The following DPYD variants were observed in gnomAD, a reference collection of about 807,000 sequenced individuals.
The protein encoded by DPYD is dihydropyrimidine dehydrogenase.
A neutral mutation model predicts 116.2 loss-of-function variants in DPYD; 109 were observed. The ratio of observed to expected loss-of-function variants is 0.94; its 90% CI spans 0.80 to 1.10. The LOEUF (loss-of-function observed/expected upper bound fraction) is 1.10. Ranked by LOEUF, DPYD falls within the 50% of genes least tolerant of loss-of-function variation. The pLI is 0.00. For missense variants in DPYD, 1,302 were observed against 1,254.5 expected, an observed-to-expected ratio of 1.04 and a Z score of -0.57; for synonymous variants, 440 against 432.0, an observed-to-expected ratio of 1.02 and a Z score of -0.23.
chr1:97,464,674 T>G (rs1255345448), intron 13 of DPYD, among the ~76,000 whole-genome samples: 1 of 152,104 alleles, frequency 6.6e-6, no homozygotes, highest in Non-Finnish European at 1.5e-5. Flanking sequence ...AGCCTGCAGG[T>G]GCACAGAAAT....
intron 8 of DPYD, among the ~76,000 whole-genome samples, chr1:97,613,283 T>C (rs1656061525): frequency 6.6e-6 from 1 of 152,014 alleles, no homozygotes. Context: ...GTCAATTGAG[T>C]TTAAGTCTGG....
At chr1:97,788,465 T>C (rs1667154260) in intron 3 of DPYD, among the ~76,000 whole-genome samples, 1 of 152,206 alleles carries the variant, frequency 6.6e-6, no homozygotes, top group Non-Finnish European at 1.5e-5. Flanking sequence ...ATCTTGGTCC[T>C]GCCAGCATCA....
At chr1:97,639,358 T>C (rs887941984) in intron 8 of DPYD, among the ~76,000 whole-genome samples, 2 of 152,134 alleles carry the variant, frequency 1.3e-5, no homozygotes, top group Non-Finnish European at 2.9e-5. Context: ...AAAATAATAT[T>C]CTATTACCTT....
Position 97,846,872 on chromosome 1 carries a change from T to C in DPYD, c.151-18676A>G, listed in dbSNP as rs72734068. On this transcript the variant is annotated intron_variant, in intron 2 of 22. Coordinates refer to ENST00000370192, the MANE Select transcript of DPYD (RefSeq NM_000110.4). ...CTCAAAATGTACAACTAATAAAACATTAGTTCATCGTATGTTTTCATAACA... is the reference window on the plus strand; with the variant it reads ...CTCAAAATGTACAACTAATAAAACACTAGTTCATCGTATGTTTTCATAACA... Among the ~76,000 whole-genome samples the C allele has an allele frequency of 5.9e-3, 892 of 152,274 alleles. 7 individuals are homozygous for C. The highest frequency in any genetic ancestry group is 0.02 in the African/African-American group (839 of 41,562).
intron 20 of DPYD, among the ~76,000 whole-genome samples, chr1:97,147,382 A>C (rs1353969734): frequency 2.0e-5 from 3 of 152,106 alleles, no homozygotes; most frequent in South Asian, 2.1e-4. Flanking sequence ...ACAAACAAAC[A>C]AAAAACTGGC....
In DPYD at chr1:97,098,602, G is replaced by A. The variant is rs771839581; in HGVS notation, c.2653C>T (p.Gln885Ter). 2 of 1,612,850 alleles carry A rather than the reference G, an allele frequency of 1.2e-6. No homozygotes were observed. Among genetic ancestry groups the A allele is most frequent in the Non-Finnish European group, 1.7e-6 (2 of 1,179,416 alleles). The stretch of plus-strand genomic sequence containing the variant: ...TTTTCTGCTATGATTTTCTTGCGCT[G>A]TTCCAGATAAGGTCCAAAACTTGGC... Reference protein sequence around the residue: ...KLPSFGPYLEQRKKIIAENKI... With the variant: ...KLPSFGPYLE Residue 885 changes from glutamine to a stop codon, truncating the protein, a stop_gained, in exon 21 of 23, where the codon CAG becomes TAG. Transcript: ENST00000370192. LOFTEE classifies it high-confidence loss of function.
At chr1:97,395,810 C>T (rs922899457) in intron 14 of DPYD, among the ~76,000 whole-genome samples, 1 of 151,982 alleles carries the variant, frequency 6.6e-6, no homozygotes, top group Admixed American at 6.6e-5. Flanking sequence ...TGCTTACTCT[C>T]TTGAAATCCT....
rs1413503317 is a variant in DPYD at position 97,637,628 on chromosome 1, G to A, written c.850+41467C>T. On this transcript the variant is annotated intron_variant, in intron 8 of 22. Coordinates refer to ENST00000370192, the MANE Select transcript of DPYD (RefSeq NM_000110.4). ...TTGCTCCAAGACAAACAAGAAAGAAGTGAGAAAAGAGAAAGGGCAGAAAGA... is the reference window on the plus strand; with the variant it reads ...TTGCTCCAAGACAAACAAGAAAGAAATGAGAAAAGAGAAAGGGCAGAAAGA... 2.6e-5 allele frequency among the ~76,000 whole-genome samples: 4 copies of A among 152,062 alleles called. No homozygotes were observed. In the East Asian group the frequency reaches 7.7e-4, roughly 29 times the overall value.
intron 16 of DPYD, among the ~76,000 whole-genome samples, chr1:97,308,016 G>A (rs568018005): frequency 6.6e-6 from 1 of 151,904 alleles, no homozygotes; most frequent in African/African-American, 2.4e-5. Flanking sequence ...AAGAATTACT[G>A]AAACAAATTT....
intron 20 of DPYD, among the ~76,000 whole-genome samples, chr1:97,105,735 G>A (rs1044921299): frequency 1.3e-5 from 2 of 152,040 alleles, no homozygotes; most frequent in Non-Finnish European, 2.9e-5. Context: ...AGTAGAGGAC[G>A]ACATGCACAA....
At chr1:97,660,568 C>T (rs1659195061) in intron 8 of DPYD, among the ~76,000 whole-genome samples, 1 of 152,086 alleles carries the variant, frequency 6.6e-6, no homozygotes, top group Non-Finnish European at 1.5e-5. Context: ...CTTCACACTA[C>T]TTATCACTTT....
intron 16 of DPYD, among the ~76,000 whole-genome samples, chr1:97,350,825 C>T (rs538003579): frequency 6.6e-6 from 1 of 152,174 alleles, no homozygotes; most frequent in South Asian, 2.1e-4. Flanking sequence ...CAACAGCAAC[C>T]GATACTGTGT....
chr1:97,667,580 T>C (rs940063327), intron 8 of DPYD, among the ~76,000 whole-genome samples: 2 of 152,108 alleles, frequency 1.3e-5, no homozygotes, highest in African/African-American at 4.8e-5. Context: ...ATGTTGGCGA[T>C]GATGTGAAGA....
At chr1:97,738,091 C>T (rs973616330) in intron 4 of DPYD, among the ~76,000 whole-genome samples, 5 of 152,048 alleles carry the variant, frequency 3.3e-5, no homozygotes, top group Admixed American at 2.6e-4. Flanking sequence ...GAGAATATAT[C>T]TCTATTGTTT....
intron 3 of DPYD, among the ~76,000 whole-genome samples, chr1:97,808,738 T>G (rs1419613196): frequency 6.6e-6 from 1 of 151,334 alleles, no homozygotes; most frequent in Non-Finnish European, 1.5e-5. Flanking sequence ...TATATCTTTT[T>G]ATTATTTAAA....
intron 16 of DPYD, among the ~76,000 whole-genome samples, chr1:97,309,108 T>C (rs1219407814): frequency 1.3e-5 from 2 of 151,836 alleles, no homozygotes; most frequent in Admixed American, 6.6e-5. Context: ...TATGACAATG[T>C]CCAAAAGCAT....
At chr1:97,803,283 T>G (rs1359121888) in intron 3 of DPYD, among the ~76,000 whole-genome samples, 2 of 151,904 alleles carry the variant, frequency 1.3e-5, no homozygotes, top group African/African-American at 4.8e-5. Context: ...TTGTTCCTGT[T>G]TTACTATTTT....
chr1:97,893,872 GA>G (rs1019337321), intron 1 of DPYD, among the ~76,000 whole-genome samples: 14 of 149,454 alleles, frequency 9.4e-5, no homozygotes, highest in Admixed American at 6.7e-4. Context: ...ATCTCTATGT[GA>G]AAAAAAAAGT....
At chr1:97,403,960 G>C (rs1673511498) in intron 14 of DPYD, among the ~76,000 whole-genome samples, 1 of 151,674 alleles carries the variant, frequency 6.6e-6, no homozygotes, top group Non-Finnish European at 1.5e-5. Context: ...TACTACTTTT[G>C]TAGCACCTCA....
Sources: gnomAD v4.1 joint callset for allele counts (sites outside exome capture counted in the v4.1 genomes callset) on GRCh38, gnomAD v4.1.1 for gene constraint, MANE v1.5 for transcripts, NCBI Gene and HGNC (gene_info 2026-07-23, HGNC 2026-07-21) for gene names.